BDP1: variants seen among roughly 807,000 people sequenced by gnomAD.
The protein encoded by BDP1 is BDP1 general transcription factor IIIB subunit.
A neutral mutation model predicts 266.6 loss-of-function variants in BDP1; 169 were observed. That is an observed-to-expected ratio of 0.63 (90% CI 0.56 to 0.72). The LOEUF is 0.72. BDP1 is among the 30% of genes least tolerant of loss of function. The pLI, the probability that BDP1 is intolerant of heterozygous loss-of-function variation, is 0.00. For missense variants in BDP1, 3,015 were observed against 3,053.8 expected, an observed-to-expected ratio of 0.99 and a Z score of 0.30; for synonymous variants, 1,090 against 1,022.4, an observed-to-expected ratio of 1.07 and a Z score of -1.26.
chr5:71,526,316 C>CTTTTTTT (rs35458822), intron 25 of BDP1, among the ~76,000 whole-genome samples: 1 of 147,698 alleles, frequency 6.8e-6, no homozygotes, highest in Non-Finnish European at 1.5e-5. Context: ...AAGGGACATA[C>CTTTTTTT]TTTTTTTTTT....
At chr5:71,498,763 G>A (rs1274095402) in intron 13 of BDP1, among the ~76,000 whole-genome samples, 4 of 143,250 alleles carry the variant, frequency 2.8e-5, no homozygotes, top group East Asian at 2.1e-4. Flanking sequence ...TCGCCCAGTC[G>A]CCCAGGCTGG....
intron 11 of BDP1, among the ~76,000 whole-genome samples, chr5:71,492,149 C>T (rs930260042): frequency 6.6e-6 from 1 of 152,214 alleles, no homozygotes; most frequent in Non-Finnish European, 1.5e-5. Context: ...GTATAGACCA[C>T]ATTTTCTTTA....
intron 25 of BDP1, among the ~76,000 whole-genome samples, chr5:71,528,458 GA>G (rs1193665445): frequency 6.6e-6 from 1 of 152,188 alleles, no homozygotes; most frequent in Non-Finnish European, 1.5e-5. Context: ...AAGCATTCAT[GA>G]TAGTTTCTGA....
intron 36 of BDP1, among the ~76,000 whole-genome samples, chr5:71,559,089 G>A (rs1743440618): frequency 6.6e-6 from 1 of 152,064 alleles, no homozygotes; most frequent in South Asian, 2.1e-4. Context: ...GGGAGGCAGA[G>A]GTTGCAGTGA....
chr5:71,570,357 A>T (rs746457378), downstream of BDP1, among the ~76,000 whole-genome samples: 46 of 152,192 alleles, frequency 3.0e-4, no homozygotes, highest in Non-Finnish European at 6.0e-4. Flanking sequence ...ATGAAGCCAC[A>T]ATTACAAAAT....
chr5:71,455,813 C>T lies in BDP1; in HGVS notation c.-65C>T. On this transcript the variant is annotated 5_prime_UTR_variant, in exon 1 of 39. Coordinates refer to ENST00000358731, the MANE Select transcript of BDP1 (RefSeq NM_018429.3). The stretch of plus-strand genomic sequence containing the variant: ...CGTAGTTCCTAATCCCCTTTCCGGG[C>T]AGCCGCCGGGGCTCGGGGCTGTGAG... 2.1e-6 allele frequency: 3 copies of T among 1,416,260 alleles called. No homozygotes were observed. Among genetic ancestry groups the T allele is most frequent in the Non-Finnish European group, 2.9e-6 (3 of 1,046,914 alleles). The allele number at this position is 1,416,260 out of a possible 1,614,324, so 87.7% of individuals were successfully genotyped here.
intron 10 of BDP1, 103 bp downstream of exon 10, chr5:71,489,785 G>A (rs1025832913): frequency 1.1e-6 from 1 of 951,478 alleles, no homozygotes; most frequent in Admixed American, 2.6e-5. Context: ...AATTAATGAT[G>A]CTTATTAATT....
chr5:71,560,675 A>T (rs1743582296), intron 37 of BDP1, among the ~76,000 whole-genome samples: 1 of 152,178 alleles, frequency 6.6e-6, no homozygotes, highest in African/African-American at 2.4e-5. Flanking sequence ...AAGTGTTGGA[A>T]TTTAAGCAAG....
At chr5:71,519,262 T>C (rs1321815153) in intron 22 of BDP1, among the ~76,000 whole-genome samples, 3 of 151,456 alleles carry the variant, frequency 2.0e-5, no homozygotes, top group Non-Finnish European at 4.4e-5. Flanking sequence ...AATATATAAT[T>C]ACCAGATCAG....
the BDP1 span, among the ~76,000 whole-genome samples, chr5:71,577,918 A>G: frequency 6.6e-6 from 1 of 152,056 alleles, no homozygotes; most frequent in Non-Finnish European, 1.5e-5. Flanking sequence ...AAGAAGGGGG[A>G]AATGTTGGGA....
At position 71,495,289 on chromosome 5, in the gene BDP1, A is replaced by G; in HGVS notation, c.1680A>G (p.Ser560=). ...CCACATCAGTAGCAACTGAGTCTTCAGAATCAAGCACTTCAGATTTGCCTT... is the reference window on the plus strand; with the variant it reads ...CCACATCAGTAGCAACTGAGTCTTCGGAATCAAGCACTTCAGATTTGCCTT... ...QDATSVATES[S]ESSTSDLPSF... The change falls in exon 12 of 39, where the codon TCA becomes TCG. Residue 560 remains serine, a synonymous_variant. Transcript: ENST00000358731. 1 of 1,596,578 alleles carries G rather than the reference A, an allele frequency of 6.3e-7. No individual in the cohort carries two copies. The highest frequency in any genetic ancestry group is 1.2e-5 in the South Asian group (1 of 86,814).
chr5:71,522,498 TG>T lies in BDP1; in HGVS notation c.5193+11del, dbSNP rs751688337. On this transcript the variant is annotated intron_variant, in intron 23 of 38. Transcript: ENST00000358731. ...ACCCAGCTCCTTCTAAAAGTAAGTT[TG>T]GGCAAAAAAAAAAAAAAAATTTTTT... The T allele has an allele frequency of 2.0e-6, 3 of 1,538,168 alleles. No individual in the cohort carries two copies. Among genetic ancestry groups the T allele is most frequent in the Non-Finnish European group, 2.6e-6 (3 of 1,149,480 alleles).
At chr5:71,457,130 G>A (rs1761243819) in intron 1 of BDP1, among the ~76,000 whole-genome samples, 1 of 151,974 alleles carries the variant, frequency 6.6e-6, no homozygotes, top group Non-Finnish European at 1.5e-5. Context: ...CAGAGATTTC[G>A]TTAATTATGT....
At chr5:71,506,119 TTTTTA>T (rs1764560894) in intron 16 of BDP1, among the ~76,000 whole-genome samples, 1 of 152,222 alleles carries the variant, frequency 6.6e-6, no homozygotes, top group East Asian at 1.9e-4. Flanking sequence ...CAAATTATTC[TTTTTA>T]TTTATATTTT....
intron 37 of BDP1, among the ~76,000 whole-genome samples, chr5:71,561,942 C>T (rs368525722): frequency 1.3e-5 from 2 of 152,186 alleles, no homozygotes; most frequent in South Asian, 2.1e-4. Flanking sequence ...AAAGCAGAAG[C>T]AGGTATTAAG....
chr5:71,463,829 T>TA (rs5868597), intron 3 of BDP1, among the ~76,000 whole-genome samples: 92 of 144,480 alleles, frequency 6.4e-4, no homozygotes, highest in African/African-American at 1.9e-3. Flanking sequence ...GTTGTTGTAT[T>TA]AAAAAAAAAA....
chr5:71,465,305 GGTCTTGCA>G, intron 4 of BDP1, among the ~76,000 whole-genome samples: 1 of 151,978 alleles, frequency 6.6e-6, no homozygotes, highest in Admixed American at 6.6e-5. Flanking sequence ...TTACAGATAG[GGTCTTGCA>G]CTGTCACCTA....
In BDP1 at chr5:71,517,406, G is replaced by T; in HGVS notation, c.4945G>T (p.Val1649Phe). ...HRMYENQSQV[V>F]LVENLHVNKT... is the part of the protein sequence containing the mutation. The stretch of plus-strand genomic sequence containing the variant: ...AATGTATGAAAATCAAAGTCAGGTG[G>T]TTCTTGTAGAAAACCTTCATGTTAA... Residue 1649 changes from valine (V) to phenylalanine (F), a missense_variant, in exon 22 of 39, where the codon GTT becomes TTT. Transcript: ENST00000358731. 2.5e-6 allele frequency: 4 copies of T among 1,604,464 alleles called. No homozygotes were observed. The highest frequency in any genetic ancestry group is 3.4e-6 in the Non-Finnish European group (4 of 1,177,440).
Position 71,560,119 on chromosome 5 carries a change from G to C in BDP1, c.7378G>C (p.Val2460Leu). 5.6e-6 allele frequency: 9 copies of C among 1,614,144 alleles called. No homozygotes were observed. Among genetic ancestry groups the C allele is most frequent in the Non-Finnish European group, 7.6e-6 (9 of 1,180,020 alleles). Residue 2460 changes from valine to leucine, a missense_variant, in exon 37 of 39, where the codon GTG (valine) becomes CTG (leucine). Val to Leu is a conservative substitution (Grantham distance 32). Around this residue, in one of 3 missense-constraint regions of BDP1, gnomAD observed 629 missense variants for 632.5 expected, o/e 0.99. Coordinates refer to ENST00000358731, the MANE Select transcript of BDP1 (RefSeq NM_018429.3). ...TCCTGATGCATGCATGGACAAGAAT[G>C]TGCCTCAGTTACCTCAGGATGAAAT... ...RSPDACMDKN[V>L]PQLPQDEMIV...
Sources: allele counts gnomAD v4.1 joint callset (sites outside exome capture counted in the v4.1 genomes callset), GRCh38; gene constraint gnomAD v4.1.1; regional missense constraint gnomAD v4.1.1; transcripts MANE v1.5; gene names NCBI Gene and HGNC (gene_info 2026-07-23, HGNC 2026-07-21).